The following TRPM3 variants were observed in gnomAD, a reference collection of about 807,000 sequenced individuals.
The protein encoded by TRPM3 is transient receptor potential cation channel subfamily M member 3.
A neutral mutation model predicts 181.2 loss-of-function variants in TRPM3; 77 were observed. The ratio of observed to expected loss-of-function variants is 0.42; its 90% CI spans 0.35 to 0.51. The LOEUF (loss-of-function observed/expected upper bound fraction) is 0.51. Ranked by LOEUF, TRPM3 falls within the 20% of genes least tolerant of loss-of-function variation. The pLI is 0.01. For missense variants in TRPM3, 1,759 were observed against 2,196.7 expected (o/e 0.80, Z 3.98); for synonymous variants, 745 against 796.4 (o/e 0.94, Z 1.09).
chr9:70,601,674 C>T (rs1364634870), intron 20 of TRPM3, among the ~76,000 whole-genome samples: 1 of 152,162 alleles, frequency 6.6e-6, no homozygotes, highest in East Asian at 1.9e-4. Context: ...CCTCCAAAGC[C>T]CTGCCCTCCC....
At chr9:70,700,719 C>A (rs145449135) in intron 8 of TRPM3, among the ~76,000 whole-genome samples, 76 of 152,292 alleles carry the variant, frequency 5.0e-4, no homozygotes, top group African/African-American at 1.8e-3. Flanking sequence ...TCAGATTGAT[C>A]TCTTTGGAGA....
intron 1 of TRPM3, among the ~76,000 whole-genome samples, chr9:71,076,433 G>A (rs1409776486): frequency 6.6e-6 from 1 of 152,172 alleles, no homozygotes; most frequent in Non-Finnish European, 1.5e-5. Flanking sequence ...GGATTGGGTG[G>A]ACAGTTCTTG....
intron 1 of TRPM3, among the ~76,000 whole-genome samples, chr9:71,051,135 T>C (rs982768603): frequency 1.3e-5 from 2 of 152,210 alleles, no homozygotes; most frequent in African/African-American, 4.8e-5. Context: ...GCTTGTTTTC[T>C]TCATGCATTT....
intron 1 of TRPM3, among the ~76,000 whole-genome samples, chr9:71,406,236 G>C (rs1214940420): frequency 1.3e-5 from 2 of 152,146 alleles, no homozygotes; most frequent in African/African-American, 2.4e-5. Flanking sequence ...CTTAATATTT[G>C]TCAAATGAAA....
intron 4 of TRPM3, among the ~76,000 whole-genome samples, chr9:70,844,259 C>T (rs1469382739): frequency 1.3e-5 from 2 of 152,164 alleles, no homozygotes; most frequent in African/African-American, 2.4e-5. Flanking sequence ...ATTTAAGTAA[C>T]TCAATACTGA....
intron 1 of TRPM3, among the ~76,000 whole-genome samples, chr9:70,955,410 C>G (rs930930216): frequency 1.3e-5 from 2 of 152,176 alleles, no homozygotes; most frequent in African/African-American, 4.8e-5. Flanking sequence ...ATATCCTTCT[C>G]TGTTCCACAT....
At chr9:71,260,906 C>T (rs2132071813) in intron 1 of TRPM3, among the ~76,000 whole-genome samples, 1 of 152,140 alleles carries the variant, frequency 6.6e-6, no homozygotes, top group African/African-American at 2.4e-5. Flanking sequence ...TTGTGGGTAA[C>T]CCAAGATTTC....
intron 1 of TRPM3, among the ~76,000 whole-genome samples, chr9:71,253,068 G>A (rs2082449654): frequency 6.6e-6 from 1 of 151,892 alleles, no homozygotes; most frequent in African/African-American, 2.4e-5. Flanking sequence ...ACAGAACCAT[G>A]GATTTACCTT....
At chr9:70,981,111 A>G (rs1358873797) in intron 1 of TRPM3, among the ~76,000 whole-genome samples, 2 of 152,180 alleles carry the variant, frequency 1.3e-5, no homozygotes, top group African/African-American at 4.8e-5. Context: ...GCCTGTGTCA[A>G]TTCTTCATTC....
chr9:70,854,102 G>A (rs141808005), intron 3 of TRPM3, among the ~76,000 whole-genome samples: 1 of 152,294 alleles, frequency 6.6e-6, no homozygotes, highest in East Asian at 1.9e-4. Context: ...TTCCTATTAA[G>A]TAGTCAATAT....
chr9:71,204,488 A>T (rs10868977), intron 1 of TRPM3, among the ~76,000 whole-genome samples: 65,074 of 151,796 alleles, frequency 0.43, 14,352 homozygotes, highest in East Asian at 0.52. Flanking sequence ...GCCGTCAGAG[A>T]AATGCAAATC....
intron 1 of TRPM3, among the ~76,000 whole-genome samples, chr9:71,320,737 A>C (rs2089143382): frequency 6.6e-6 from 1 of 152,092 alleles, no homozygotes; most frequent in South Asian, 2.1e-4. Context: ...ACTCCAACCC[A>C]GATCTCCCCT....
chr9:71,368,846 T>C (rs2092423039), intron 1 of TRPM3, among the ~76,000 whole-genome samples: 1 of 152,146 alleles, frequency 6.6e-6, no homozygotes, highest in Non-Finnish European at 1.5e-5. Context: ...AAATATTGGA[T>C]TCAGTTGAAC....
intron 8 of TRPM3, among the ~76,000 whole-genome samples, chr9:70,683,181 C>T (rs1003092483): frequency 6.6e-6 from 1 of 152,098 alleles, no homozygotes; most frequent in African/African-American, 2.4e-5. Context: ...GAGGGTAAGG[C>T]AGAAATTGCA....
In TRPM3 at chr9:70,623,254, T is replaced by C. The variant is rs575231134; in HGVS notation, c.1809+1937A>G. On this transcript the variant is annotated intron_variant, in intron 14 of 25. Coordinates refer to ENST00000677713, the MANE Select transcript of TRPM3 (RefSeq NM_001366145.2). The stretch of plus-strand genomic sequence containing the variant: ...AGTCGCACATGCCTGTAATGCCGGC[T>C]ACTCGGGAGGCTGAGGTAGGAGAAT... 3.3e-5 allele frequency among the ~76,000 whole-genome samples: 5 copies of C among 151,654 alleles called. No homozygotes were observed. The South Asian group carries it at 8.3e-4, about 25-fold the overall frequency.
At chr9:71,408,207 C>T (rs538289238) in intron 1 of TRPM3, among the ~76,000 whole-genome samples, 3 of 152,304 alleles carry the variant, frequency 2.0e-5, no homozygotes, top group Non-Finnish European at 2.9e-5. Context: ...TCCAAAGGAT[C>T]GCAGCTCCTC....
chr9:70,838,533 T>G (rs1158578306), intron 5 of TRPM3, among the ~76,000 whole-genome samples: 5 of 152,130 alleles, frequency 3.3e-5, no homozygotes, highest in African/African-American at 1.2e-4. Context: ...CTGAAAAGAC[T>G]AAGACAGCTG....
At chr9:70,545,681 GGCATTACAGGT>G (rs1357381443) in intron 25 of TRPM3, among the ~76,000 whole-genome samples, 2 of 150,820 alleles carry the variant, frequency 1.3e-5, no homozygotes, top group Admixed American at 1.3e-4. Flanking sequence ...ACAAGTAGCT[GGCATTACAGGT>G]GCCTGCCACC....
chr9:71,210,416 T>C (rs1178541450), intron 1 of TRPM3, among the ~76,000 whole-genome samples: 1 of 152,156 alleles, frequency 6.6e-6, no homozygotes, highest in Non-Finnish European at 1.5e-5. Context: ...ACTTGAATCA[T>C]CCTTAAACCC....
Sources: allele counts gnomAD v4.1 joint callset (sites outside exome capture counted in the v4.1 genomes callset), GRCh38; gene constraint gnomAD v4.1.1; transcripts MANE v1.5; gene names NCBI Gene and HGNC (gene_info 2026-07-23, HGNC 2026-07-21).